The following STAT5B variants were observed in gnomAD, a reference collection of about 807,000 sequenced individuals.
STAT5B encodes signal transducer and activator of transcription 5B.
In STAT5B, 21 loss-of-function variants were observed where a neutral mutation model predicts 107.8. That is an observed-to-expected ratio of 0.19 (90% confidence interval 0.14 to 0.28). The LOEUF (loss-of-function observed/expected upper bound fraction) is 0.28. Among genes scored for constraint, STAT5B ranks in the 10% least tolerant of loss-of-function variants. STAT5B has a pLI of 1.00. For synonymous variants in STAT5B, 325 were observed against 401.7 expected (o/e 0.81, Z 2.28); for missense variants, 565 against 1,008.2 (o/e 0.56, Z 5.95).
chr17:42,254,780 T>G (rs1011026549), intron 1 of STAT5B, among the ~76,000 whole-genome samples: 1 of 151,796 alleles, frequency 6.6e-6, no homozygotes, highest in African/African-American at 2.4e-5. Flanking sequence ...GTAATGAGAA[T>G]AGAAAATTTT....
chr17:42,262,927 T>C (rs1490316645), intron 1 of STAT5B, among the ~76,000 whole-genome samples: 2 of 90,896 alleles, frequency 2.2e-5, no homozygotes, highest in Non-Finnish European at 4.6e-5. Flanking sequence ...TGTGTGTATA[T>C]ATATATGTAT....
chr17:42,236,433 T>G (rs1396319994), intron 1 of STAT5B, among the ~76,000 whole-genome samples: 1 of 152,174 alleles, frequency 6.6e-6, no homozygotes, highest in Non-Finnish European at 1.5e-5. Context: ...AGAAGCTATG[T>G]AGTGGTTTTT....
At chr17:42,253,150 T>C (rs1271378371) in intron 1 of STAT5B, among the ~76,000 whole-genome samples, 1 of 152,190 alleles carries the variant, frequency 6.6e-6, no homozygotes, top group East Asian at 1.9e-4. Context: ...TTTTCATCTC[T>C]GTGAGTTCTT....
Position 42,218,098 on chromosome 17 carries a change from G to A in STAT5B, c.1169+53C>T, listed in dbSNP as rs770530583. ...CAGGAGGCAGAATTCTTTTTTTCCT[G>A]TTGCCAGGACATGAGACAAGTAGCA... On this transcript the variant is annotated intron_variant, in intron 9 of 18. Transcript: ENST00000293328. The A allele has an allele frequency of 3.8e-6, 6 of 1,588,998 alleles. No individual in the cohort carries two copies. In the Admixed American group the frequency reaches 1.1e-4, roughly 29 times the overall value.
In STAT5B at chr17:42,218,237, G is replaced by A. The variant is rs770762035; in HGVS notation, c.1083C>T (p.Asn361=). The A allele has an allele frequency of 1.1e-5, 17 of 1,614,134 alleles. No homozygotes were observed. Among genetic ancestry groups the A allele is most frequent in the Admixed American group, 1.7e-5 (1 of 60,016 alleles). ...TVRLLVGGKL[N]VHMNPPQVKA... ...TCACCTGGGGGGGGTTCATGTGCAC[G>A]TTCAGCTTCCCGCCCACCAGCAGGC... is the stretch of plus-strand genomic sequence containing the variant. Residue 361 remains asparagine (N), a synonymous_variant, in exon 9 of 19, where the codon AAC becomes AAT. Coordinates refer to ENST00000293328, the MANE Select transcript of STAT5B (RefSeq NM_012448.4).
At chr17:42,276,853 C>T (rs1157588238), upstream of STAT5B, 1 of 152,314 alleles carries the variant, frequency 6.6e-6, no homozygotes, top group Non-Finnish European at 1.5e-5. This position sits in a 1 kb window ranked among gnomAD's most constrained non-coding sequence, Gnocchi z 4.8. Flanking sequence ...GTCAGAAGTC[C>T]ACAGGGGCCC....
intron 12 of STAT5B, chr17:42,214,566 T>C: frequency 1.0e-6 from 1 of 985,432 alleles, no homozygotes; most frequent in Non-Finnish European, 1.2e-6. Context: ...TGCTGTTTTG[T>C]AAATGAGCTG....
At chr17:42,204,336 G>A (rs1218942417) in intron 16 of STAT5B, among the ~76,000 whole-genome samples, 1 of 152,202 alleles carries the variant, frequency 6.6e-6, no homozygotes, top group African/African-American at 2.4e-5. Flanking sequence ...GGAGAATGAA[G>A]TCTTGTTTCT....
the STAT5B span, among the ~76,000 whole-genome samples, chr17:42,287,334 C>CCCCG: frequency 2.0e-5 from 3 of 150,554 alleles, no homozygotes; most frequent in Admixed American, 1.3e-4. Flanking sequence ...GAATGCACCC[C>CCCCG]CCCCAACAGA....
intron 1 of STAT5B, among the ~76,000 whole-genome samples, chr17:42,236,973 G>C (rs1158398220): frequency 6.6e-6 from 1 of 152,190 alleles, no homozygotes. Context: ...TCAGACAAGG[G>C]AAGTAGTTTG....
Position 42,217,161 on chromosome 17 carries a change from T to G in STAT5B, c.1379A>C (p.Lys460Thr). Residue 460 changes from lysine (K) to threonine (T), a missense_variant and splice_region_variant, in exon 11 of 19, where the codon AAG becomes ACG. Transcript: ENST00000293328. ...CGCAGAGCTGAGGGAAGGCTTTACC[T>G]TGACTTGAAAAACCAGCTCATTTCC... ...VGGNELVFQV[K>T]TLSLPVVVIV... The G allele has an allele frequency of 6.2e-7, 1 of 1,611,998 alleles. No individual in the cohort carries two copies. The highest frequency in any genetic ancestry group is 8.5e-7 in the Non-Finnish European group (1 of 1,179,028).
At chr17:42,233,091 G>GC (rs111556459) in intron 1 of STAT5B, among the ~76,000 whole-genome samples, 4,179 of 152,120 alleles carry the variant, frequency 0.027, 203 homozygotes, top group African/African-American at 0.097. Flanking sequence ...ATCCATCTCA[G>GC]CTCCCAAAGG....
chr17:42,241,829 T>C (rs183972978), intron 1 of STAT5B, among the ~76,000 whole-genome samples: 1 of 152,068 alleles, frequency 6.6e-6, no homozygotes, highest in African/African-American at 2.4e-5. Flanking sequence ...TGGACTAATA[T>C]CAAGTAAGAA....
At chr17:42,217,611 C>T (rs550106981) in intron 9 of STAT5B, 147 bp from the exon 10 acceptor site, 327 of 782,040 alleles carry the variant, frequency 4.2e-4, no homozygotes, top group Non-Finnish European at 6.0e-4. Flanking sequence ...ATAACACATA[C>T]ATGTAATCTT....
chr17:42,272,591 C>G (rs1425821267), intron 1 of STAT5B: 2 of 152,144 alleles, frequency 1.3e-5, no homozygotes, highest in Non-Finnish European at 2.9e-5. Context: ...ATTCAGGCTT[C>G]ACTCAGTAAA....
intron 1 of STAT5B, among the ~76,000 whole-genome samples, chr17:42,262,785 T>TAC (rs1213692376): frequency 7.1e-5 from 9 of 126,504 alleles, no homozygotes; most frequent in African/African-American, 1.8e-4. Flanking sequence ...TGTATATATA[T>TAC]ACACATATAT....
At position 42,199,981 on chromosome 17, in the gene STAT5B, T is replaced by C. The variant is rs1198843009; in HGVS notation, c.*1757A>G. The C allele has an allele frequency of 6.6e-6, 1 of 152,468 alleles. No individual in the cohort carries two copies. The highest frequency in any genetic ancestry group is 2.4e-5 in the African/African-American group (1 of 41,406). The allele number at this position is 152,468 out of a possible 1,614,324, so 9.4% of individuals were successfully genotyped here. A position where few individuals can be genotyped will look rare whatever the true frequency, so the allele number is the denominator to read the frequency against. On this transcript the variant is annotated 3_prime_UTR_variant, in exon 19 of 19. Transcript: ENST00000293328. The stretch of plus-strand genomic sequence containing the variant: ...TTCTCACCCTTCCCCGATGCACCCA[T>C]CCTCATGGTTGGAATTTTCATCAAA...
intron 1 of STAT5B, among the ~76,000 whole-genome samples, chr17:42,232,840 G>GTTTT (rs931007817): frequency 2.3e-5 from 3 of 133,330 alleles, no homozygotes; most frequent in South Asian, 2.4e-4. Flanking sequence ...TTAGCAGAGA[G>GTTTT]TTTTTTTTTT....
intron 1 of STAT5B, among the ~76,000 whole-genome samples, chr17:42,260,897 T>C (rs2080589453): frequency 6.6e-6 from 1 of 151,278 alleles, no homozygotes; most frequent in Non-Finnish European, 1.5e-5. Flanking sequence ...TTGCTTAGTT[T>C]CCTAGTTTAT....
Sources: allele counts gnomAD v4.1 joint callset (sites outside exome capture counted in the v4.1 genomes callset), GRCh38; gene constraint gnomAD v4.1.1; non-coding constraint Gnocchi (gnomAD v3.1); transcripts MANE v1.5; gene names NCBI Gene and HGNC (gene_info 2026-07-23, HGNC 2026-07-21).